Variants in AKT3 observed in about 807,000 individuals in gnomAD.
AKT3 encodes the protein AKT serine/threonine kinase 3, also known as RAC-gamma serine/threonine-protein kinase.
AKT3 carries 15 observed loss-of-function variants against 65.3 expected under a neutral mutation model. The observed-to-expected ratio is 0.23, with a 90% CI of 0.15 to 0.35. The LOEUF is 0.35. Among genes scored for constraint, AKT3 ranks in the 10% least tolerant of loss-of-function variants. AKT3 has a pLI of 1.00. For missense variants in AKT3, 243 were observed against 576.5 expected (o/e 0.42, Z 5.92); for synonymous variants, 206 against 183.8 (o/e 1.12, Z -0.98).
At chr1:243,558,643 CTT>C (rs1673569701) in intron 10 of AKT3, among the ~76,000 whole-genome samples, 2 of 152,004 alleles carry the variant, frequency 1.3e-5, no homozygotes, top group African/African-American at 2.4e-5. Context: ...TTTTTGCAAT[CTT>C]TGTTAGTTCT....
At chr1:243,816,845 T>C (rs1316658109) in intron 2 of AKT3, among the ~76,000 whole-genome samples, 1 of 152,204 alleles carries the variant, frequency 6.6e-6, no homozygotes, top group Non-Finnish European at 1.5e-5. Context: ...TAAGGTGCTA[T>C]GCTACCATGG....
intron 8 of AKT3, among the ~76,000 whole-genome samples, chr1:243,586,545 C>T (rs1231182232): frequency 6.6e-6 from 1 of 152,006 alleles, no homozygotes; most frequent in Non-Finnish European, 1.5e-5. Context: ...ACTATGCAGT[C>T]GTAAAAAGAA....
chr1:243,695,484 T>A, intron 3 of AKT3, 107 bp downstream of exon 3: 1 of 1,084,830 alleles, frequency 9.2e-7, no homozygotes, highest in Non-Finnish European at 1.3e-6. Context: ...CTATTAAATA[T>A]AAACCCAAAC....
At chr1:243,783,565 T>A (rs1042385099) in intron 2 of AKT3, among the ~76,000 whole-genome samples, 3 of 151,706 alleles carry the variant, frequency 2.0e-5, no homozygotes, top group East Asian at 1.9e-4. Flanking sequence ...GGTGAATTTT[T>A]AAAAAAAAAT....
intron 2 of AKT3, among the ~76,000 whole-genome samples, chr1:243,718,784 T>C (rs1686685901): frequency 6.6e-6 from 1 of 152,174 alleles, no homozygotes; most frequent in Admixed American, 6.5e-5. Context: ...CAGCTTCAAT[T>C]ATGAAGAGTA....
intron 12 of AKT3, among the ~76,000 whole-genome samples, chr1:243,517,319 A>G (rs1422670587): frequency 6.6e-6 from 1 of 152,248 alleles, no homozygotes; most frequent in Non-Finnish European, 1.5e-5. Flanking sequence ...AATGTCAGTT[A>G]GATCAAGCTG....
chr1:243,842,678 G>A (rs146310004), intron 2 of AKT3, among the ~76,000 whole-genome samples: 52 of 152,190 alleles, frequency 3.4e-4, no homozygotes, highest in Admixed American at 1.9e-3. Flanking sequence ...ATGAGTTTGC[G>A]GGTGAACCCT....
intron 2 of AKT3, among the ~76,000 whole-genome samples, chr1:243,798,370 C>T (rs1341897071): frequency 6.7e-6 from 1 of 149,992 alleles, no homozygotes; most frequent in South Asian, 2.1e-4. Flanking sequence ...CAGGCATGCA[C>T]CACTACACCT....
intron 3 of AKT3, chr1:243,687,915 G>A (rs1007593681): frequency 5.9e-5 from 9 of 151,962 alleles, no homozygotes; most frequent in Admixed American, 1.3e-4. Flanking sequence ...TTAAATTTAC[G>A]GTAATTCACT....
intron 3 of AKT3, among the ~76,000 whole-genome samples, chr1:243,674,016 C>T (rs1313052132): frequency 6.6e-6 from 1 of 152,086 alleles, no homozygotes; most frequent in Non-Finnish European, 1.5e-5. Context: ...TTGAAAATTC[C>T]CTTAGGGGAA....
rs201482614 is a variant in AKT3, at chr1:243,519,826, T to TA, written c.1252-7401dup. ...ATTAGTTTTTCTTCACTTAATAATG[T>TA]AAAAAAAAGACTGCACTGATATAGG... On this transcript the variant is annotated intron_variant, in intron 12 of 13. Coordinates refer to ENST00000673466, the MANE Select transcript of AKT3 (RefSeq NM_005465.7). Among the ~76,000 whole-genome samples the TA allele has an allele frequency of 3.7e-3, 555 of 152,048 alleles. 4 individuals are homozygous for TA. Among genetic ancestry groups the TA allele is most frequent in the African/African-American group, 0.012 (513 of 41,466 alleles).
intron 12 of AKT3, among the ~76,000 whole-genome samples, chr1:243,544,981 A>G (rs992280033): frequency 6.6e-6 from 1 of 152,002 alleles, no homozygotes; most frequent in Non-Finnish European, 1.5e-5. Flanking sequence ...TACAGGCATG[A>G]GCCACCATGC....
intron 5 of AKT3, among the ~76,000 whole-genome samples, chr1:243,642,558 C>T (rs1680506684): frequency 6.6e-6 from 1 of 152,214 alleles, no homozygotes; most frequent in Admixed American, 6.5e-5. Flanking sequence ...ATCCGCCCAC[C>T]TTGGCCTCCC....
intron 2 of AKT3, among the ~76,000 whole-genome samples, chr1:243,794,659 G>A (rs923420630): frequency 6.6e-6 from 1 of 152,174 alleles, no homozygotes; most frequent in African/African-American, 2.4e-5. Context: ...ATGCATGACT[G>A]CTTAAGAGAA....
intron 2 of AKT3, among the ~76,000 whole-genome samples, chr1:243,774,515 T>C (rs1690423675): frequency 6.6e-6 from 1 of 152,244 alleles, no homozygotes; most frequent in Non-Finnish European, 1.5e-5. Flanking sequence ...GTTTGATTTC[T>C]GTGGTTCCAG....
At position 243,614,440 on chromosome 1, in the gene AKT3, T is replaced by G. The variant is rs1007988912; in HGVS notation, c.627+656A>C. ...ATTGGAACCAAGAAAATACAGAAAC[T>G]TTACCAATTATCCCTATATTACAAG... On this transcript the variant is annotated intron_variant, in intron 7 of 13. Transcript: ENST00000673466. Among the ~76,000 whole-genome samples, 6 of 152,186 alleles carry G rather than the reference T, an allele frequency of 3.9e-5. No individual in the cohort carries two copies. In the East Asian group the frequency reaches 1.2e-3, roughly 29 times the overall value.
intron 2 of AKT3, among the ~76,000 whole-genome samples, chr1:243,714,077 A>G (rs894301954): frequency 6.6e-5 from 10 of 152,194 alleles, no homozygotes; most frequent in African/African-American, 2.4e-4. Flanking sequence ...AGGATGAGAG[A>G]AGCTAATTTG....
chr1:243,650,175 A>T (rs1320946479), intron 4 of AKT3, among the ~76,000 whole-genome samples: 1 of 152,114 alleles, frequency 6.6e-6, no homozygotes, highest in East Asian at 1.9e-4. Context: ...GATGATGAGC[A>T]TTTTTTCATA....
At position 243,488,972 on chromosome 1, in the gene AKT3, T is replaced by C. The variant is rs774609644; in HGVS notation, c.*7-522A>G. 10 of 1,612,906 alleles carry C rather than the reference T, an allele frequency of 6.2e-6. No homozygotes were observed. In the Admixed American group the frequency reaches 1.3e-4, roughly 22 times the overall value. ...ACAGCCCCTGGGCCTGTTGAAAGGC[T>C]GACGTTATCCCTCTTTAATTCTGCG... is the stretch of plus-strand genomic sequence containing the variant. On this transcript the variant is annotated intron_variant, in intron 13 of 13. Transcript: ENST00000336199.
Sources: allele counts gnomAD v4.1 joint callset (sites outside exome capture counted in the v4.1 genomes callset), GRCh38; gene constraint gnomAD v4.1.1; transcripts MANE v1.5; gene names NCBI Gene and HGNC (gene_info 2026-07-23, HGNC 2026-07-21).